The following KCNQ3 variants were observed in gnomAD, a reference collection of about 807,000 sequenced individuals.
The protein encoded by KCNQ3 is potassium voltage-gated channel subfamily KQT member 3.
In KCNQ3, 30 loss-of-function variants were observed where a neutral mutation model predicts 92.5. The ratio of observed to expected loss-of-function variants is 0.32; its 90% CI spans 0.24 to 0.44. The LOEUF (loss-of-function observed/expected upper bound fraction) is 0.44, where lower values mean the gene tolerates loss of function less well. KCNQ3 is among the 20% of genes least tolerant of loss of function. KCNQ3 has a pLI of 1.00. For synonymous variants in KCNQ3, 450 were observed against 468.8 expected (o/e 0.96, Z 0.52); for missense variants, 913 against 1,140.3 (o/e 0.80, Z 2.87).
Position 132,480,319 on chromosome 8 carries a change from C to A in KCNQ3, c.214G>T (p.Gly72Cys), listed in dbSNP as rs759310149. The A allele has an allele frequency of 6.2e-7, 1 of 1,601,004 alleles. No homozygotes were observed. Among genetic ancestry groups the A allele is most frequent in the Admixed American group, 1.7e-5 (1 of 59,210 alleles). Residue 72 changes from glycine to cysteine, a missense_variant, in exon 1 of 15, where the codon GGC (glycine) becomes TGC (cysteine). Physicochemically the swap from Gly to Cys is radical, Grantham distance 159. Around this residue, in one of 6 missense-constraint regions of KCNQ3, gnomAD observed 183 missense variants for 167.7 expected, o/e 1.09. Coordinates refer to ENST00000388996, the MANE Select transcript of KCNQ3 (RefSeq NM_004519.4). ...CTCCGCTGCCCCTCGTCGCGGCCGC[C>A]GCCCTCCAGCAGCAGGGTCCCGTCT... ...DKDGTLLLEG[G>C]GRDEGQRRTP...
chr8:132,313,905 C>T (rs373210930), intron 1 of KCNQ3, among the ~76,000 whole-genome samples: 22 of 152,020 alleles, frequency 1.4e-4, no homozygotes, highest in Admixed American at 1.1e-3. Context: ...AGTTCCCAGC[C>T]AAATCTCCAC....
intron 1 of KCNQ3, among the ~76,000 whole-genome samples, chr8:132,284,193 T>A (rs1337692838): frequency 6.6e-6 from 1 of 151,990 alleles, no homozygotes; most frequent in Non-Finnish European, 1.5e-5. Context: ...TAAAAAAAAA[T>A]AATAGGGCTT....
intron 1 of KCNQ3, among the ~76,000 whole-genome samples, chr8:132,208,511 C>G (rs1029879625): frequency 3.9e-5 from 6 of 152,084 alleles, no homozygotes; most frequent in African/African-American, 1.5e-4. Flanking sequence ...CTCCTAGGAC[C>G]AGCATCAAAC....
chr8:132,217,432 C>T (rs1814072608), intron 1 of KCNQ3, among the ~76,000 whole-genome samples: 1 of 152,096 alleles, frequency 6.6e-6, no homozygotes, highest in Non-Finnish European at 1.5e-5. Context: ...GAGAGTCGGC[C>T]GGACACGGTG....
At chr8:132,344,604 C>T (rs184062113) in intron 1 of KCNQ3, among the ~76,000 whole-genome samples, 1 of 152,294 alleles carries the variant, frequency 6.6e-6, no homozygotes, top group East Asian at 1.9e-4. Context: ...CAGAGTCACA[C>T]ACTCATCACG....
intron 1 of KCNQ3, among the ~76,000 whole-genome samples, chr8:132,420,985 G>T (rs924249595): frequency 2.0e-4 from 30 of 152,168 alleles, no homozygotes; most frequent in African/African-American, 7.0e-4. Flanking sequence ...AATCCCCAAA[G>T]TAAACATGAT....
chr8:132,252,022 G>C (rs1815427691), intron 1 of KCNQ3, among the ~76,000 whole-genome samples: 1 of 150,996 alleles, frequency 6.6e-6, no homozygotes, highest in Non-Finnish European at 1.5e-5. Context: ...GTGGATCTCA[G>C]AGTTAGCTTG....
intron 1 of KCNQ3, among the ~76,000 whole-genome samples, chr8:132,200,504 G>C (rs1182125981): frequency 6.6e-6 from 1 of 150,516 alleles, no homozygotes; most frequent in East Asian, 1.9e-4. Flanking sequence ...GACATGTTAC[G>C]TGTCTAATAT....
intron 1 of KCNQ3, among the ~76,000 whole-genome samples, chr8:132,205,768 G>A (rs947190703): frequency 6.6e-6 from 1 of 152,188 alleles, no homozygotes; most frequent in Non-Finnish European, 1.5e-5. Context: ...CTTGTAGGTG[G>A]AGATATTCAA....
At chr8:132,434,939 T>A (rs1436083640) in intron 1 of KCNQ3, among the ~76,000 whole-genome samples, 2 of 152,178 alleles carry the variant, frequency 1.3e-5, no homozygotes, top group Non-Finnish European at 2.9e-5. Flanking sequence ...CTCTGTAAAT[T>A]TTTCTGAGTC....
chr8:132,462,063 T>A (rs576534165), intron 1 of KCNQ3, among the ~76,000 whole-genome samples: 20 of 152,338 alleles, frequency 1.3e-4, no homozygotes, highest in African/African-American at 4.8e-4. Context: ...AATGACAGCT[T>A]TTTATAGCAC....
At chr8:132,303,401 AC>A (rs1817285474) in intron 1 of KCNQ3, among the ~76,000 whole-genome samples, 1 of 150,998 alleles carries the variant, frequency 6.6e-6, no homozygotes, top group African/African-American at 2.4e-5. Flanking sequence ...TTACATATTT[AC>A]CAAATGTTAC....
At chr8:132,447,293 G>A in intron 1 of KCNQ3, 1 of 1,520,182 alleles carries the variant, frequency 6.6e-7, no homozygotes, top group Non-Finnish European at 8.8e-7. Context: ...TAACCCTAAA[G>A]CAGGGCAGAA....
At chr8:132,130,123 C>T (rs1374346325) in intron 14 of KCNQ3, 127 bp from the exon 15 acceptor site, 1 of 1,166,800 alleles carries the variant, frequency 8.6e-7, no homozygotes, top group Non-Finnish European at 1.2e-6. Context: ...CAGTCTGTCA[C>T]CCAGGCTGGA....
At chr8:132,187,815 GGTGGTGGTGGTGGTGATT>G (rs1345008927) in intron 1 of KCNQ3, among the ~76,000 whole-genome samples, 5 of 145,872 alleles carry the variant, frequency 3.4e-5, no homozygotes, top group East Asian at 2.0e-4. Flanking sequence ...TGATGGTGGT[GGTGGTGGTGGTGGTGATT>G]GTGGTGGTGG....
chr8:132,397,272 C>A (rs553216523), intron 1 of KCNQ3, among the ~76,000 whole-genome samples: 6 of 152,146 alleles, frequency 3.9e-5, no homozygotes, highest in African/African-American at 7.2e-5. Flanking sequence ...TCTGACCGTG[C>A]CTCAGTGCCC....
intron 1 of KCNQ3, among the ~76,000 whole-genome samples, chr8:132,305,354 G>T (rs1376953065): frequency 6.6e-6 from 1 of 152,110 alleles, no homozygotes; most frequent in Non-Finnish European, 1.5e-5. Context: ...CTAGAAAATT[G>T]CTTCATTCAT....
chr8:132,399,302 T>C (rs1427093048), intron 1 of KCNQ3, among the ~76,000 whole-genome samples: 2 of 152,202 alleles, frequency 1.3e-5, no homozygotes, highest in African/African-American at 2.4e-5. Context: ...TTGCTTTCAA[T>C]GCATTCGATC....
chr8:132,362,605 A>C (rs116377334), intron 1 of KCNQ3, among the ~76,000 whole-genome samples: 90 of 152,362 alleles, frequency 5.9e-4, no homozygotes, highest in African/African-American at 2.1e-3. Flanking sequence ...AGTAAGCCTC[A>C]GAAGGCTCTG....
Sources: allele counts gnomAD v4.1 joint callset (sites outside exome capture counted in the v4.1 genomes callset), GRCh38; gene constraint gnomAD v4.1.1; regional missense constraint gnomAD v4.1.1; transcripts MANE v1.5; gene names NCBI Gene and HGNC (gene_info 2026-07-23, HGNC 2026-07-21).